MEIS2: variants seen among roughly 807,000 people sequenced by gnomAD.
MEIS2 encodes Meis homeobox 2.
In MEIS2, 9 loss-of-function variants were observed where a neutral mutation model predicts 58.6. That is an observed-to-expected ratio of 0.15 (90% CI 0.09 to 0.27). The LOEUF (loss-of-function observed/expected upper bound fraction) is 0.27, where lower values mean the gene tolerates loss of function less well. Ranked by LOEUF, MEIS2 falls within the 10% of genes least tolerant of loss-of-function variation. The pLI, the probability that MEIS2 is intolerant of heterozygous loss-of-function variation, is 1.00. For synonymous variants in MEIS2, 221 were observed against 228.4 expected (o/e 0.97, Z 0.29); for missense variants, 427 against 635.0 (o/e 0.67, Z 3.52).
intron 8 of MEIS2, among the ~76,000 whole-genome samples, chr15:36,985,063 T>C (rs940911682): frequency 2.6e-5 from 4 of 152,136 alleles, no homozygotes; most frequent in African/African-American, 9.7e-5. Context: ...TTTTCTTCAG[T>C]TGAGAGAATT....
At chr15:36,913,072 G>C (rs541364717) in intron 9 of MEIS2, among the ~76,000 whole-genome samples, 2 of 152,246 alleles carry the variant, frequency 1.3e-5, no homozygotes, top group East Asian at 3.9e-4. Context: ...AACACAAAGG[G>C]TATATTTAAA....
At chr15:37,064,388 T>G (rs991142728) in intron 7 of MEIS2, among the ~76,000 whole-genome samples, 5 of 152,096 alleles carry the variant, frequency 3.3e-5, no homozygotes, top group Non-Finnish European at 7.4e-5. Context: ...CGTAAATATG[T>G]AGTAATATAT....
intron 9 of MEIS2, among the ~76,000 whole-genome samples, chr15:36,931,189 A>C (rs2057962791): frequency 6.6e-6 from 1 of 152,238 alleles, no homozygotes; most frequent in African/African-American, 2.4e-5. Context: ...AAAATTTGTC[A>C]TCAGCCAAGA....
chr15:36,920,867 G>A (rs2057478555), intron 9 of MEIS2, among the ~76,000 whole-genome samples: 1 of 152,164 alleles, frequency 6.6e-6, no homozygotes, highest in African/African-American at 2.4e-5. Context: ...GACTGGAACT[G>A]ACCAGTCTGA....
intron 8 of MEIS2, among the ~76,000 whole-genome samples, chr15:37,006,202 T>C (rs911414341): frequency 2.0e-5 from 3 of 152,344 alleles, no homozygotes; most frequent in South Asian, 2.1e-4. Flanking sequence ...TGACTTTTGA[T>C]AGTGATTCAG....
At chr15:36,900,801 T>C (rs1340955817) in intron 9 of MEIS2, among the ~76,000 whole-genome samples, 3 of 152,236 alleles carry the variant, frequency 2.0e-5, no homozygotes, top group East Asian at 3.8e-4. Context: ...ATGGTTCAGA[T>C]TGATAGAAGT....
intron 7 of MEIS2, among the ~76,000 whole-genome samples, chr15:37,039,158 G>A (rs921832731): frequency 6.6e-6 from 1 of 152,196 alleles, no homozygotes; most frequent in African/African-American, 2.4e-5. Flanking sequence ...GCAAGTGCAA[G>A]TTTGAAGTCA....
intron 9 of MEIS2, among the ~76,000 whole-genome samples, chr15:36,904,638 CTTTTTTTTT>C (rs55954977): frequency 7.7e-6 from 1 of 129,056 alleles, no homozygotes; most frequent in Admixed American, 7.5e-5. Context: ...ACATTTTCTT[CTTTTTTTTT>C]TTTTATCTGT....
chr15:36,905,964 TTAAAGA>T (rs1567033416), intron 9 of MEIS2, among the ~76,000 whole-genome samples: 4 of 152,174 alleles, frequency 2.6e-5, no homozygotes, highest in East Asian at 1.9e-4. Flanking sequence ...ATTAAAGAAG[TTAAAGA>T]TAAAGATTAA....
chr15:36,991,477 A>C (rs1214824189), intron 8 of MEIS2, among the ~76,000 whole-genome samples: 1 of 152,144 alleles, frequency 6.6e-6, no homozygotes, highest in Non-Finnish European at 1.5e-5. Context: ...TGGGATATTT[A>C]AACAAATGAG....
At chr15:37,069,013 G>A (rs527905455) in intron 7 of MEIS2, among the ~76,000 whole-genome samples, 5 of 152,250 alleles carry the variant, frequency 3.3e-5, no homozygotes, top group Admixed American at 2.0e-4. Flanking sequence ...TTTTTAAAAA[G>A]TCTGACACAT....
At chr15:37,081,825 A>G (rs1316736062) in intron 7 of MEIS2, among the ~76,000 whole-genome samples, 1 of 152,190 alleles carries the variant, frequency 6.6e-6, no homozygotes, top group Non-Finnish European at 1.5e-5. Flanking sequence ...TCAGCATTGG[A>G]TAAGTGGGTG....
chr15:36,953,053 A>G (rs942033520), intron 8 of MEIS2, among the ~76,000 whole-genome samples: 1 of 152,156 alleles, frequency 6.6e-6, no homozygotes, highest in Non-Finnish European at 1.5e-5. Context: ...TCATGATTCC[A>G]TGCCCCTTTT....
At chr15:37,039,766 T>C (rs2062336543) in intron 7 of MEIS2, among the ~76,000 whole-genome samples, 1 of 152,186 alleles carries the variant, frequency 6.6e-6, no homozygotes, top group African/African-American at 2.4e-5. Flanking sequence ...TAACAAATAA[T>C]TATAAACAAT....
chr15:37,060,606 GA>G (rs898547572), intron 7 of MEIS2, among the ~76,000 whole-genome samples: 5 of 150,508 alleles, frequency 3.3e-5, no homozygotes, highest in South Asian at 2.1e-4. Flanking sequence ...GACTCAAAAA[GA>G]AAAAAAAACT....
At chr15:36,892,550 AAC>A in intron 11 of MEIS2, 91 bp from the exon 12 acceptor site, 4 of 1,173,610 alleles carry the variant, frequency 3.4e-6, no homozygotes, top group Non-Finnish European at 3.6e-6. Context: ...AAAAAAAAAA[AAC>A]AACAGACACT....
chr15:36,994,886 T>C (rs2060419962), intron 8 of MEIS2, among the ~76,000 whole-genome samples: 1 of 152,220 alleles, frequency 6.6e-6, no homozygotes, highest in Non-Finnish European at 1.5e-5. Context: ...CTAACGCTTT[T>C]ATCCTTTGCT....
Position 37,020,878 on chromosome 15 carries a change from A to G in MEIS2, c.900+15936T>C, listed in dbSNP as rs575595875. ...AAAAACTCTGCTCTGAACTGAATTA[A>G]GTCCTCCCAAATTTTGTGTGTTGAA... is the stretch of plus-strand genomic sequence containing the variant. On this transcript the variant is annotated intron_variant, in intron 8 of 11. Coordinates refer to ENST00000561208, the MANE Select transcript of MEIS2 (RefSeq NM_170675.5). Among the ~76,000 whole-genome samples the G allele has an allele frequency of 5.3e-5, 8 of 152,260 alleles. No homozygotes were observed. In the South Asian group the frequency reaches 1.7e-3, roughly 32 times the overall value.
chr15:36,947,568 A>G (rs1025824502), intron 9 of MEIS2, among the ~76,000 whole-genome samples: 1 of 151,994 alleles, frequency 6.6e-6, no homozygotes, highest in Non-Finnish European at 1.5e-5. Flanking sequence ...TGAGAAGCAG[A>G]ACCAGAACCG....
Sources: allele counts gnomAD v4.1 joint callset (sites outside exome capture counted in the v4.1 genomes callset), GRCh38; gene constraint gnomAD v4.1.1; transcripts MANE v1.5; gene names NCBI Gene and HGNC (gene_info 2026-07-23, HGNC 2026-07-21).